MYLK3: variants seen among roughly 807,000 people sequenced by gnomAD.
The protein encoded by MYLK3 is myosin light chain kinase 3, also known as MLC kinase.
Under a neutral mutation model 76.3 loss-of-function variants are expected in MYLK3, and 55 were observed. The observed-to-expected ratio is 0.72, with a 90% CI of 0.58 to 0.90. The LOEUF is 0.90. Among genes scored for constraint, MYLK3 ranks in the 40% least tolerant of loss-of-function variants. The pLI, the probability that MYLK3 is intolerant of heterozygous loss-of-function variation, is 0.00. For synonymous variants in MYLK3, 416 were observed against 425.4 expected (o/e 0.98, Z 0.27); for missense variants, 973 against 1,053.6 (o/e 0.92, Z 1.06).
intron 4 of MYLK3, 35 bp downstream of exon 4, chr16:46,732,172 AG>A (rs747879593): frequency 1.3e-6 from 2 of 1,515,680 alleles, no homozygotes; most frequent in Non-Finnish European, 8.8e-7. Flanking sequence ...CCCTCCCCTC[AG>A]GGCTCGTGTC....
At chr16:46,751,383 G>C (rs573653722), upstream of MYLK3, among the ~76,000 whole-genome samples, 26 of 152,158 alleles carry the variant, frequency 1.7e-4, no homozygotes, top group Admixed American at 1.4e-3. Flanking sequence ...CTCCAGCCTG[G>C]GTGACAGAGC....
intron 9 of MYLK3, among the ~76,000 whole-genome samples, chr16:46,720,557 G>T (rs1205034966): frequency 6.6e-6 from 1 of 152,030 alleles, no homozygotes; most frequent in Non-Finnish European, 1.5e-5. Flanking sequence ...GATAGGATGG[G>T]TCCACACTGT....
intron 9 of MYLK3, among the ~76,000 whole-genome samples, chr16:46,715,680 T>G (rs552509447): frequency 3.3e-5 from 5 of 152,186 alleles, no homozygotes; most frequent in African/African-American, 1.2e-4. Flanking sequence ...ACTATTTAGA[T>G]GCACTGATGG....
intron 1 of MYLK3, among the ~76,000 whole-genome samples, chr16:46,762,721 A>T (rs1314173181): frequency 1.3e-5 from 2 of 152,180 alleles, no homozygotes; most frequent in Non-Finnish European, 2.9e-5. Context: ...ACACAGTAGA[A>T]TTGGGAAGTT....
chr16:46,752,260 T>C (rs1298643974), upstream of MYLK3, among the ~76,000 whole-genome samples: 1 of 152,044 alleles, frequency 6.6e-6, no homozygotes, highest in Non-Finnish European at 1.5e-5. Context: ...TTCTAAGATA[T>C]GGTCTCGATC....
At chr16:46,725,652 A>G (rs1966839429) in intron 8 of MYLK3, 1 of 152,132 alleles carries the variant, frequency 6.6e-6, no homozygotes, top group Admixed American at 6.6e-5. Context: ...TCCTTTTTAT[A>G]TGTTTTATTC....
intron 9 of MYLK3, among the ~76,000 whole-genome samples, chr16:46,714,521 C>T (rs1327080579): frequency 6.6e-6 from 1 of 152,142 alleles, no homozygotes; most frequent in Non-Finnish European, 1.5e-5. Flanking sequence ...CCTCCCCTGC[C>T]CAGCAGCTGA....
intron 8 of MYLK3, among the ~76,000 whole-genome samples, chr16:46,724,967 C>T (rs987757511): frequency 6.6e-6 from 1 of 152,050 alleles, no homozygotes; most frequent in Admixed American, 6.6e-5. Flanking sequence ...ATTATCTTAA[C>T]ATTTTGTTGT....
rs751394689 is a variant in MYLK3 at position 46,709,532 on chromosome 16, C to T, written c.2400+7G>A. 2 of 1,612,220 alleles carry T rather than the reference C, an allele frequency of 1.2e-6. No individual in the cohort carries two copies. The highest frequency in any genetic ancestry group is 2.2e-5 in the East Asian group (1 of 44,856). On this transcript the variant is annotated splice_region_variant and intron_variant, in intron 12 of 12. Coordinates refer to ENST00000394809, the MANE Select transcript of MYLK3 (RefSeq NM_182493.3). ...ATTCCACCTTTACTAAGAGAAAAAC[C>T]AAATACCTTCCATTTTCTTTGAGCT... is the stretch of plus-strand genomic sequence containing the variant.
intron 8 of MYLK3, among the ~76,000 whole-genome samples, chr16:46,722,356 TC>T (rs568026318): frequency 0.01 from 1,581 of 152,130 alleles, 9 homozygotes; most frequent in Admixed American, 0.022. Context: ...TTCCTGTCTG[TC>T]CCCCCAGAGG....
In MYLK3 at chr16:46,702,486, C is replaced by T. The variant is rs1423103104; in HGVS notation, c.*5218G>A. Among the ~76,000 whole-genome samples, 4 of 152,160 alleles carry T rather than the reference C, an allele frequency of 2.6e-5. No homozygotes were observed. The highest frequency in any genetic ancestry group is 9.7e-5 in the African/African-American group (4 of 41,430). On this transcript the variant is annotated 3_prime_UTR_variant, in exon 13 of 13. Coordinates refer to ENST00000394809, the MANE Select transcript of MYLK3 (RefSeq NM_182493.3). ...ATCTAACCACATTGCCAATATCACA[C>T]CTCACAAAATTAATAGTAACTATCA...
At position 46,729,116 on chromosome 16, in the gene MYLK3, C is replaced by T; in HGVS notation, c.1680G>A (p.Glu560=). 1.9e-6 allele frequency: 3 copies of T among 1,614,102 alleles called. No homozygotes were observed. Among genetic ancestry groups the T allele is most frequent in the Non-Finnish European group, 2.5e-6 (3 of 1,179,950 alleles). The change falls in exon 7 of 13, where the codon GAG becomes GAA. Residue 560 remains glutamate, a synonymous_variant. Transcript: ENST00000394809. The stretch of plus-strand genomic sequence containing the variant: ...GGCTGAGCTGGTTCATGATGTTGAT[C>T]TCGTTCTTCACGTCCTCCTTGGGGG... ...SAKDREDVKN[E]INIMNQLSHV...
chr16:46,756,779 T>C (rs1967206129), intron 1 of MYLK3, among the ~76,000 whole-genome samples: 1 of 152,212 alleles, frequency 6.6e-6, no homozygotes, highest in Non-Finnish European at 1.5e-5. Context: ...GCCCATTAAC[T>C]GCAATAACCA....
intron 8 of MYLK3, among the ~76,000 whole-genome samples, chr16:46,723,107 C>A (rs1966815824): frequency 6.6e-6 from 1 of 151,390 alleles, no homozygotes; most frequent in Non-Finnish European, 1.5e-5. Flanking sequence ...AAAAAAAAAA[C>A]AAAACCATAC....
intron 3 of MYLK3, among the ~76,000 whole-genome samples, chr16:46,735,592 C>T (rs189125770): frequency 8.5e-5 from 13 of 152,310 alleles, no homozygotes; most frequent in Admixed American, 2.0e-4. Context: ...GCTGCTGGAC[C>T]TCTCTGACAC....
intron 1 of MYLK3, among the ~76,000 whole-genome samples, chr16:46,747,329 G>T (rs549307637): frequency 6.6e-6 from 1 of 152,298 alleles, no homozygotes; most frequent in South Asian, 2.1e-4. Flanking sequence ...TCTGAGCAGG[G>T]CTCCATCAGG....
chr16:46,702,800 G>C lies in MYLK3; in HGVS notation c.*4904C>G, dbSNP rs752203569. Among the ~76,000 whole-genome samples the C allele has an allele frequency of 3.9e-5, 6 of 151,952 alleles. No homozygotes were observed. Among genetic ancestry groups the C allele is most frequent in the Non-Finnish European group, 8.8e-5 (6 of 67,986 alleles). On this transcript the variant is annotated 3_prime_UTR_variant, in exon 13 of 13. Transcript: ENST00000394809. ...CTGGGCGTGGTGGCGCATGCCTGTA[G>C]TCCCAGCTACTTGGGAGGCTGAGGC...
At chr16:46,722,485 A>G (rs1239649508) in intron 8 of MYLK3, among the ~76,000 whole-genome samples, 1 of 152,230 alleles carries the variant, frequency 6.6e-6, no homozygotes, top group African/African-American at 2.4e-5. Flanking sequence ...ATGGGGTTGT[A>G]CAATTCCTCA....
chr16:46,719,257 A>G (rs1596751603), intron 9 of MYLK3, among the ~76,000 whole-genome samples: 1 of 150,896 alleles, frequency 6.6e-6, no homozygotes, highest in Non-Finnish European at 1.5e-5. Context: ...AATCCAGGAG[A>G]CGGAGGTTGC....
Sources: gnomAD v4.1 joint callset for allele counts (sites outside exome capture counted in the v4.1 genomes callset) on GRCh38, gnomAD v4.1.1 for gene constraint, MANE v1.5 for transcripts, NCBI Gene and HGNC (gene_info 2026-07-23, HGNC 2026-07-21) for gene names.